Variants in SLC35D4 observed in about 807,000 individuals in gnomAD.
SLC35D4 encodes solute carrier family 35 member D4, also known as UDP-N-acetylglucosamine transporter SLC35D4.
At chr18:23,358,874 T>C in the SLC35D4 span, among the ~76,000 whole-genome samples, 3 of 152,144 alleles carry the variant, frequency 2.0e-5, no homozygotes, top group Non-Finnish European at 4.4e-5. Flanking sequence ...TGGCTTCTCT[T>C]TTGCTAAAGT....
chr18:23,309,723 T>C, the SLC35D4 span: 3 of 1,614,216 alleles, frequency 1.9e-6, no homozygotes, highest in Non-Finnish European at 2.5e-6. Flanking sequence ...AACAGCAATA[T>C]TGATAAGCCA....
the SLC35D4 span, among the ~76,000 whole-genome samples, chr18:23,329,604 G>A: frequency 6.6e-6 from 1 of 152,328 alleles, no homozygotes; most frequent in Admixed American, 6.5e-5. Flanking sequence ...TTACACTGTT[G>A]GTGGGAGTGT....
chr18:23,273,290 G>T, the SLC35D4 span, among the ~76,000 whole-genome samples: 3 of 152,156 alleles, frequency 2.0e-5, no homozygotes, highest in Admixed American at 2.0e-4. Flanking sequence ...AGTTGAAGAG[G>T]AAGTACTCCT....
At chr18:23,333,430 T>C in the SLC35D4 span, among the ~76,000 whole-genome samples, 1 of 152,240 alleles carries the variant, frequency 6.6e-6, no homozygotes, top group Admixed American at 6.5e-5. Context: ...AAGCACAGAA[T>C]ATATATAGCA....
At chr18:23,386,206 T>C in the SLC35D4 span, among the ~76,000 whole-genome samples, 2 of 151,426 alleles carry the variant, frequency 1.3e-5, no homozygotes, top group Non-Finnish European at 3.0e-5. Context: ...CCTGTAAATG[T>C]TGTCTGCTAT....
At chr18:23,277,174 T>C in the SLC35D4 span, among the ~76,000 whole-genome samples, 1 of 152,198 alleles carries the variant, frequency 6.6e-6, no homozygotes, top group Non-Finnish European at 1.5e-5. Flanking sequence ...AATCTCATCT[T>C]GAATTGTACT....
the SLC35D4 span, chr18:23,253,979 G>A: frequency 3.9e-5 from 60 of 1,538,806 alleles, 1 homozygote; most frequent in Middle Eastern, 1.7e-4. Context: ...CACATGCTCC[G>A]GTCCGGGGTT....
chr18:23,372,540 T>C, the SLC35D4 span, among the ~76,000 whole-genome samples: 2 of 152,236 alleles, frequency 1.3e-5, no homozygotes, highest in Admixed American at 6.5e-5. Context: ...CCTTATTCTA[T>C]GCTATGAAAT....
At chr18:23,308,876 CTGTGTG>C in the SLC35D4 span, among the ~76,000 whole-genome samples, 3 of 139,986 alleles carry the variant, frequency 2.1e-5, no homozygotes, top group South Asian at 2.4e-4. Flanking sequence ...CTCTCTCTCT[CTGTGTG>C]TGTGTGTGTG....
At chr18:23,240,203 C>T in the SLC35D4 span, among the ~76,000 whole-genome samples, 6 of 152,092 alleles carry the variant, frequency 3.9e-5, no homozygotes, top group South Asian at 2.1e-4. Context: ...AAGACTTCCC[C>T]GAGGAATGGC....
the SLC35D4 span, among the ~76,000 whole-genome samples, chr18:23,371,103 T>TC: frequency 3.0e-4 from 32 of 107,020 alleles, no homozygotes; most frequent in East Asian, 2.5e-3. Context: ...CTCTCTCTCT[T>TC]TCTTTTTTTT....
At chr18:23,291,872 G>A in the SLC35D4 span, among the ~76,000 whole-genome samples, 1 of 152,182 alleles carries the variant, frequency 6.6e-6, no homozygotes, top group African/African-American at 2.4e-5. Context: ...AGCCACCACT[G>A]CTTCTCTCCG....
chr18:23,398,886 T>A, the SLC35D4 span, among the ~76,000 whole-genome samples: 4 of 152,232 alleles, frequency 2.6e-5, no homozygotes, highest in African/African-American at 9.6e-5. Context: ...GTAGTCATGG[T>A]ACAAGACTGG....
the SLC35D4 span, among the ~76,000 whole-genome samples, chr18:23,414,259 G>T: frequency 7.8e-6 from 1 of 128,166 alleles, no homozygotes; most frequent in Non-Finnish European, 1.7e-5. Flanking sequence ...GTCTCAAAAA[G>T]AAAGAAAAGA....
chr18:23,309,812 T>C, the SLC35D4 span: 3 of 1,470,838 alleles, frequency 2.0e-6, no homozygotes. Flanking sequence ...ATGTCATTTT[T>C]TTCACAAGCT....
chr18:23,286,588 A>G, the SLC35D4 span, among the ~76,000 whole-genome samples: 1 of 151,576 alleles, frequency 6.6e-6, no homozygotes, highest in Non-Finnish European at 1.5e-5. Context: ...GCTTCAGGTA[A>G]CTCTCACAGT....
the SLC35D4 span, among the ~76,000 whole-genome samples, chr18:23,338,153 G>A: frequency 6.6e-6 from 1 of 152,190 alleles, no homozygotes; most frequent in Admixed American, 6.5e-5. Flanking sequence ...CAGAGCAAAT[G>A]TTCTGAATCA....
At chr18:23,307,139 C>T in the SLC35D4 span, among the ~76,000 whole-genome samples, 3 of 152,204 alleles carry the variant, frequency 2.0e-5, no homozygotes, top group South Asian at 2.1e-4. Flanking sequence ...ACCCTTCAAC[C>T]GAACCGTAGT....
chr18:23,368,869 CATAA>C, the SLC35D4 span: 20 of 646,930 alleles, frequency 3.1e-5, no homozygotes, highest in Admixed American at 1.0e-4. Context: ...ATAAATTATC[CATAA>C]ATAGAGGGAA....
Sources: gnomAD v4.1 joint callset for allele counts (sites outside exome capture counted in the v4.1 genomes callset) on GRCh38, gnomAD v4.1.1 for gene constraint, MANE v1.5 for transcripts, NCBI Gene and HGNC (gene_info 2026-07-23, HGNC 2026-07-21) for gene names.